The following HIPK3 variants were observed in gnomAD, a reference collection of about 807,000 sequenced individuals.
HIPK3 encodes the protein homeodomain interacting protein kinase 3.
A neutral mutation model predicts 124.2 loss-of-function variants in HIPK3; 47 were observed. That is an observed-to-expected ratio of 0.38 (90% confidence interval 0.30 to 0.48). The LOEUF (loss-of-function observed/expected upper bound fraction) is 0.48. Among genes scored for constraint, HIPK3 ranks in the 20% least tolerant of loss-of-function variants. HIPK3 has a pLI of 0.98. For missense variants in HIPK3, 1,286 were observed against 1,454.3 expected, an observed-to-expected ratio of 0.88 and a Z score of 1.88; for synonymous variants, 482 against 515.2, an observed-to-expected ratio of 0.94 and a Z score of 0.87.
intron 8 of HIPK3, 98 bp from the exon 9 acceptor site, chr11:33,347,195 C>G (rs1208404504): frequency 1.1e-4 from 129 of 1,135,102 alleles, no homozygotes; most frequent in Non-Finnish European, 1.5e-4. Flanking sequence ...AAAAAAAAAT[C>G]TGTCAGAATC....
intron 1 of HIPK3, among the ~76,000 whole-genome samples, chr11:33,272,576 CATAAGA>C (rs1428480570): frequency 6.6e-6 from 1 of 152,112 alleles, no homozygotes; most frequent in Non-Finnish European, 1.5e-5. Flanking sequence ...TCAAAGTTGT[CATAAGA>C]ATGAGAGAGA....
At position 33,352,202 on chromosome 11, in the gene HIPK3, A is replaced by G; in HGVS notation, c.3108A>G (p.Ala1036=). The change falls in exon 16 of 17, where the codon GCA becomes GCG. Residue 1036 remains alanine, a synonymous_variant. Transcript: ENST00000303296. The part of the protein sequence containing the change: ...SAPGRLNQPS[A]VGTRQQKLTS... ...CTGGAAGATTAAACCAGCCTTCTGC[A>G]GTGGGTACTCGTCAGCAAAAATTGA... 1 of 1,613,964 alleles carries G rather than the reference A, an allele frequency of 6.2e-7. No homozygotes were observed.
At chr11:33,274,873 T>C (rs1851230614) in intron 1 of HIPK3, among the ~76,000 whole-genome samples, 1 of 152,220 alleles carries the variant, frequency 6.6e-6, no homozygotes, top group African/African-American at 2.4e-5. Context: ...ACATGCTGAT[T>C]TGTGTTATAG....
At chr11:33,319,899 A>G (rs960611453) in intron 2 of HIPK3, among the ~76,000 whole-genome samples, 4 of 152,248 alleles carry the variant, frequency 2.6e-5, no homozygotes, top group Non-Finnish European at 4.4e-5. Flanking sequence ...AAAGGAAGAA[A>G]GGCAAGTGCC....
chr11:33,307,623 G>T (rs1037858105), intron 2 of HIPK3, among the ~76,000 whole-genome samples: 1 of 151,024 alleles, frequency 6.6e-6, no homozygotes, highest in African/African-American at 2.4e-5. Context: ...AGCCAGGATG[G>T]TCTCGATCTC....
In HIPK3 at chr11:33,258,460, G is replaced by T. The variant is rs1333239157; in HGVS notation, c.-3+571G>T. ...GGGTTTGCAGGGTGTCAACTCTGGG[G>T]ACGTGCGTGCGTGTGTGTGATTGTT... On this transcript the variant is annotated intron_variant, in intron 1 of 16. Coordinates refer to ENST00000303296, the MANE Select transcript of HIPK3 (RefSeq NM_005734.5). 4 of 985,272 alleles carry T rather than the reference G, an allele frequency of 4.1e-6. No individual in the cohort carries two copies. In the East Asian group the frequency reaches 4.5e-4, roughly 112 times the overall value. The allele number at this position is 985,272 out of a possible 1,614,324, so 61.0% of individuals were successfully genotyped here.
At chr11:33,264,760 ATT>A (rs1391838065) in intron 1 of HIPK3, among the ~76,000 whole-genome samples, 2 of 152,314 alleles carry the variant, frequency 1.3e-5, no homozygotes, top group Middle Eastern at 3.4e-3. Context: ...CATACAAAAT[ATT>A]TTAGAGTTTT....
At chr11:33,270,698 A>G (rs1238715669) in intron 1 of HIPK3, among the ~76,000 whole-genome samples, 2 of 152,126 alleles carry the variant, frequency 1.3e-5, no homozygotes, top group African/African-American at 4.8e-5. Context: ...GCTCATGCCT[A>G]TAATCCCAGC....
At chr11:33,297,348 C>CAGATGTA (rs1851869819) in intron 2 of HIPK3, among the ~76,000 whole-genome samples, 2 of 152,178 alleles carry the variant, frequency 1.3e-5, no homozygotes, top group Non-Finnish European at 2.9e-5. Context: ...CCCAACTTGG[C>CAGATGTA]CTCCCAGAGA....
chr11:33,328,839 A>G (rs540021734), intron 3 of HIPK3, among the ~76,000 whole-genome samples: 5 of 152,216 alleles, frequency 3.3e-5, no homozygotes, highest in Non-Finnish European at 7.3e-5. Context: ...ATAGAATCTC[A>G]AAACCAGTTT....
chr11:33,323,639 G>A (rs1852729450), intron 2 of HIPK3, among the ~76,000 whole-genome samples: 1 of 152,154 alleles, frequency 6.6e-6, no homozygotes, highest in Non-Finnish European at 1.5e-5. Context: ...GAGGAAGTGG[G>A]GGAGTGACTT....
chr11:33,348,107 A>G (rs1445640714), intron 11 of HIPK3, 59 bp from the exon 12 acceptor site: 15 of 1,603,924 alleles, frequency 9.4e-6, no homozygotes, highest in Non-Finnish European at 3.4e-6. Context: ...TGTATTCAAA[A>G]TGACCTCTTT....
At chr11:33,317,411 C>A (rs965151497) in intron 2 of HIPK3, among the ~76,000 whole-genome samples, 3 of 151,760 alleles carry the variant, frequency 2.0e-5, no homozygotes, top group Admixed American at 6.6e-5. Flanking sequence ...CAGGCACACA[C>A]CACCATGCTC....
intron 2 of HIPK3, among the ~76,000 whole-genome samples, chr11:33,322,861 T>C (rs1431206536): frequency 6.6e-6 from 1 of 152,134 alleles, no homozygotes; most frequent in Non-Finnish European, 1.5e-5. Context: ...GGCCACTGTT[T>C]CCTTTTTGAA....
chr11:33,272,714 C>G (rs925823327), intron 1 of HIPK3, among the ~76,000 whole-genome samples: 9 of 119,902 alleles, frequency 7.5e-5, no homozygotes, highest in Non-Finnish European at 1.1e-4. Flanking sequence ...ATTCTGTTGC[C>G]GAGGCTGAAG....
At chr11:33,296,862 T>G (rs1169603972) in intron 2 of HIPK3, among the ~76,000 whole-genome samples, 1 of 152,186 alleles carries the variant, frequency 6.6e-6, no homozygotes, top group Non-Finnish European at 1.5e-5. Flanking sequence ...CTCAGTGTTC[T>G]AAGAGAAAGG....
intron 2 of HIPK3, among the ~76,000 whole-genome samples, chr11:33,307,897 TTAATTTTAA>T (rs1361045538): frequency 6.6e-6 from 1 of 152,146 alleles, no homozygotes; most frequent in Non-Finnish European, 1.5e-5. Flanking sequence ...ATACATGGTC[TTAATTTTAA>T]TAATTTTAAT....
chr11:33,347,391 A>T lies in HIPK3; in HGVS notation c.1996A>T (p.Ile666Phe). The stretch of plus-strand genomic sequence containing the variant: ...GGCCCCAGCTGTGCAGCCACTACAG[A>T]TCCGACCAGGAGTTCTTTCTCAGGT... ...TQAPAVQPLQ[I>F]RPGVLSQTWS... Residue 666 changes from isoleucine to phenylalanine, a missense_variant, in exon 9 of 17, where the codon ATC becomes TTC. Around this residue, in one of 3 missense-constraint regions of HIPK3, gnomAD observed 810 missense variants for 864.9 expected, o/e 0.94. Transcript: ENST00000303296. 1.2e-6 allele frequency: 2 copies of T among 1,614,128 alleles called. No individual in the cohort carries two copies. The highest frequency in any genetic ancestry group is 1.1e-5 in the South Asian group (1 of 91,080).
intron 11 of HIPK3, 53 bp downstream of exon 11, chr11:33,348,066 A>G (rs1853551699): frequency 1.2e-6 from 2 of 1,610,398 alleles, no homozygotes; most frequent in Non-Finnish European, 1.7e-6. Flanking sequence ...TTTTAAATGA[A>G]TTTTGCATGT....
Sources: allele counts gnomAD v4.1 joint callset (sites outside exome capture counted in the v4.1 genomes callset), GRCh38; gene constraint gnomAD v4.1.1; regional missense constraint gnomAD v4.1.1; transcripts MANE v1.5; gene names NCBI Gene and HGNC (gene_info 2026-07-23, HGNC 2026-07-21).